The following HTR2A variants were observed in gnomAD, a reference collection of about 807,000 sequenced individuals.
HTR2A encodes the protein 5-HT2 receptor.
In HTR2A, 14 loss-of-function variants were observed where a neutral mutation model predicts 31.0. That is an observed-to-expected ratio of 0.45 (90% CI 0.30 to 0.71). The LOEUF (loss-of-function observed/expected upper bound fraction) is 0.71. HTR2A is among the 30% of genes least tolerant of loss of function. HTR2A has a pLI of 0.09. For missense variants in HTR2A, 442 were observed against 573.3 expected (o/e 0.77, Z 2.34); for synonymous variants, 209 against 225.2 (o/e 0.93, Z 0.64).
In HTR2A at chr13:46,896,919, G is replaced by T; in HGVS notation, c.-574C>A. The T allele has an allele frequency of 9.0e-7, 1 of 1,111,054 alleles. No homozygotes were observed. The highest frequency in any genetic ancestry group is 1.3e-6 in the Non-Finnish European group (1 of 778,354). The allele number at this position is 1,111,054 out of a possible 1,614,324, so 68.8% of individuals were successfully genotyped here. A position where few individuals can be genotyped will look rare whatever the true frequency, so the allele number is the denominator to read the frequency against. ...GGCTGGGTTCCTCCCTCCCTGTGCGGCTCGCCTCAGCAGGCACACATTTAG... is the reference window on the plus strand; with the variant it reads ...GGCTGGGTTCCTCCCTCCCTGTGCGTCTCGCCTCAGCAGGCACACATTTAG... On this transcript the variant is annotated 5_prime_UTR_variant, in exon 1 of 4. Coordinates refer to ENST00000542664, the MANE Select transcript of HTR2A (RefSeq NM_000621.5).
intron 3 of HTR2A, among the ~76,000 whole-genome samples, chr13:46,853,681 GT>G (rs1413877525): frequency 6.6e-6 from 1 of 152,098 alleles, no homozygotes; most frequent in Non-Finnish European, 1.5e-5. Flanking sequence ...CCCTGCCATG[GT>G]CACTGGGTGG....
rs773797673 is a variant in HTR2A, at chr13:46,835,333, G to C, written c.920C>G (p.Thr307Arg). The change falls in exon 4 of 4, where the codon ACA (threonine) becomes AGA (arginine). Residue 307 changes from threonine to arginine, a missense_variant. This residue lies in a region of HTR2A where 174 missense variants were observed against 195.1 expected (regional missense o/e 0.89). Coordinates refer to ENST00000542664, the MANE Select transcript of HTR2A (RefSeq NM_000621.5). ...GATGGACTGCATAGTCCTCCTGCCTGTGTAGGACCCTGGCTCCCTATGGAT... is the reference window on the plus strand; with the variant it reads ...GATGGACTGCATAGTCCTCCTGCCTCTGTAGGACCCTGGCTCCCTATGGAT... ...RSIHREPGSY[T>R]GRRTMQSISN... 1.2e-6 allele frequency: 2 copies of C among 1,614,000 alleles called. No individual in the cohort carries two copies. Among genetic ancestry groups the C allele is most frequent in the African/African-American group, 1.3e-5 (1 of 74,926 alleles).
intron 3 of HTR2A, among the ~76,000 whole-genome samples, chr13:46,844,092 C>T (rs757104491): frequency 3.9e-5 from 6 of 152,166 alleles, no homozygotes; most frequent in Non-Finnish European, 7.3e-5. Flanking sequence ...TGCTAGTTCA[C>T]ACTTTCAATA....
At chr13:46,874,965 C>G (rs1950896499) in intron 3 of HTR2A, among the ~76,000 whole-genome samples, 1 of 152,176 alleles carries the variant, frequency 6.6e-6, no homozygotes, top group Non-Finnish European at 1.5e-5. Context: ...GATTGAACAT[C>G]TTCTCTCAAA....
intron 3 of HTR2A, among the ~76,000 whole-genome samples, chr13:46,853,647 T>G (rs765781651): frequency 1.7e-4 from 26 of 152,176 alleles, no homozygotes; most frequent in Non-Finnish European, 2.9e-4. Flanking sequence ...GAGAAGATAC[T>G]GGGCTGACAT....
At chr13:46,892,675 T>G in intron 2 of HTR2A, 85 bp from the exon 3 acceptor site, 5 of 1,163,154 alleles carry the variant, frequency 4.3e-6, no homozygotes, top group Non-Finnish European at 6.4e-6. Context: ...TTTCCAGCTC[T>G]GGGACAGGCA....
chr13:46,882,293 T>C (rs915793485), intron 3 of HTR2A, among the ~76,000 whole-genome samples: 23 of 151,698 alleles, frequency 1.5e-4, no homozygotes, highest in African/African-American at 5.6e-4. Flanking sequence ...AAGTATGTTG[T>C]GGTGAACGAC....
In HTR2A at chr13:46,832,095, A is replaced by G. The variant is rs967089762; in HGVS notation, c.*2742T>C. The G allele has an allele frequency of 1.3e-5, 2 of 152,230 alleles. No homozygotes were observed. The highest frequency in any genetic ancestry group is 2.9e-5 in the Non-Finnish European group (2 of 68,044). 9.4% of individuals were successfully genotyped at this position (152,230 alleles called of 1,614,324 possible). A position where few individuals can be genotyped will look rare whatever the true frequency, so the allele number is the denominator to read the frequency against. On this transcript the variant is annotated 3_prime_UTR_variant, in exon 4 of 4. Coordinates refer to ENST00000542664, the MANE Select transcript of HTR2A (RefSeq NM_000621.5). ...TAGGATCAAGAAACTATATATGTGG[A>G]CCATTGTTTTCGCCATCCTCATAGA...
At chr13:46,835,743 G>C in intron 3 of HTR2A, 104 bp from the exon 4 acceptor site, 1 of 816,992 alleles carries the variant, frequency 1.2e-6, no homozygotes, top group Non-Finnish European at 1.9e-6. Context: ...TTATATCATC[G>C]TTTAAAAGCT....
At position 46,895,352 on chromosome 13, in the gene HTR2A, A is replaced by G. The variant is rs1951092733; in HGVS notation, c.412+143T>C. ...AAATCCCATTTTAAGAGTAAAATAT[A>G]AGTAACATAGTAGGCTCTAGTCTAT... On this transcript the variant is annotated intron_variant, in intron 2 of 3. Coordinates refer to ENST00000542664, the MANE Select transcript of HTR2A (RefSeq NM_000621.5). This position sits in a 1 kb window ranked among gnomAD's most constrained non-coding sequence, Gnocchi z 4.4. The G allele has an allele frequency of 2.8e-6, 2 of 702,846 alleles. No individual in the cohort carries two copies. Among genetic ancestry groups the G allele is most frequent in the African/African-American group, 3.6e-5 (2 of 55,730 alleles). The allele number at this position is 702,846 out of a possible 1,614,324, so 43.5% of individuals were successfully genotyped here.
Position 46,835,327 on chromosome 13 carries a change from C to T in HTR2A, c.926G>A (p.Arg309Lys). The T allele has an allele frequency of 6.2e-7, 1 of 1,614,110 alleles. No homozygotes were observed. Among genetic ancestry groups the T allele is most frequent in the Non-Finnish European group, 8.5e-7 (1 of 1,179,992 alleles). ...IHREPGSYTG[R>K]RTMQSISNEQ... ...ATTGCTGATGGACTGCATAGTCCTC[C>T]TGCCTGTGTAGGACCCTGGCTCCCT... is the stretch of plus-strand genomic sequence containing the variant. Residue 309 changes from arginine to lysine, a missense_variant, in exon 4 of 4, where the codon AGG (arginine) becomes AAG (lysine). By Grantham distance (26) the Arg-to-Lys change is conservative (BLOSUM62 2). Transcript: ENST00000542664.
chr13:46,853,549 T>C (rs376876600), intron 3 of HTR2A, among the ~76,000 whole-genome samples: 19 of 152,314 alleles, frequency 1.2e-4, no homozygotes, highest in African/African-American at 4.6e-4. Context: ...TGTATCAGGC[T>C]GTTTTAAACC....
At chr13:46,845,643 C>CAAAA (rs11394720) in intron 3 of HTR2A, among the ~76,000 whole-genome samples, 1 of 112,978 alleles carries the variant, frequency 8.9e-6, no homozygotes, top group African/African-American at 3.2e-5. Flanking sequence ...TTCATCACTC[C>CAAAA]AAAAAAAAAA....
At chr13:46,841,108 G>T (rs1165870240) in intron 3 of HTR2A, among the ~76,000 whole-genome samples, 1 of 152,130 alleles carries the variant, frequency 6.6e-6, no homozygotes, top group Non-Finnish European at 1.5e-5. Context: ...AGATGCACCT[G>T]CTTCCCTTTC....
Position 46,835,393 on chromosome 13 carries a change from C to G in HTR2A, c.860G>C (p.Ser287Thr). The change falls in exon 4 of 4, where the codon AGT becomes ACT. Residue 287 changes from serine to threonine, a missense_variant. Transcript: ENST00000542664. The part of the protein sequence containing the change: ...KLASFSFLPQ[S>T]SLSSEKLFQR... ...GAAGAGCTTTTCTGAAGACAAAGAA[C>G]TCTGAGGGAGGAAGCTGAAAGAAGC... The G allele has an allele frequency of 6.2e-7, 1 of 1,614,098 alleles. No homozygotes were observed. Among genetic ancestry groups the G allele is most frequent in the Non-Finnish European group, 8.5e-7 (1 of 1,179,992 alleles).
At chr13:46,878,164 A>G (rs965744992) in intron 3 of HTR2A, among the ~76,000 whole-genome samples, 1 of 152,152 alleles carries the variant, frequency 6.6e-6, no homozygotes, top group Non-Finnish European at 1.5e-5. Context: ...GAGAGCAACA[A>G]CCCTGTGGAC....
chr13:46,845,282 G>A (rs1449697946), intron 3 of HTR2A, among the ~76,000 whole-genome samples: 1 of 152,170 alleles, frequency 6.6e-6, no homozygotes, highest in African/African-American at 2.4e-5. Flanking sequence ...GAAAGGCACA[G>A]GAGCTGAGCT....
chr13:46,867,986 T>G (rs1430397080), intron 3 of HTR2A, among the ~76,000 whole-genome samples: 2 of 152,154 alleles, frequency 1.3e-5, no homozygotes, highest in African/African-American at 4.8e-5. Context: ...AAGTGGAAAA[T>G]AGAATGGTTC....
At position 46,895,791 on chromosome 13, in the gene HTR2A, G is replaced by A. The variant is rs1951097639; in HGVS notation, c.116C>T (p.Thr39Ile). 1 of 1,614,152 alleles carries A rather than the reference G, an allele frequency of 6.2e-7. No homozygotes were observed. Among genetic ancestry groups the A allele is most frequent in the African/African-American group, 1.3e-5 (1 of 75,054 alleles). The change falls in exon 2 of 4, where the codon ACT becomes ATT. Residue 39 changes from threonine (T) to isoleucine (I), a missense_variant. Coordinates refer to ENST00000542664, the MANE Select transcript of HTR2A (RefSeq NM_000621.5). This position sits in a 1 kb window ranked among gnomAD's most constrained non-coding sequence, Gnocchi z 4.4. ...GACTGTCCAGTTAAATGCATCAGAA[G>A]TGTTAGCTTCTCCGGAGTTAAAGTC... ...SNDFNSGEANTSDAFNWTVDS... is the reference protein window; with the variant it reads ...SNDFNSGEANISDAFNWTVDS...
Sources: allele counts gnomAD v4.1 joint callset (sites outside exome capture counted in the v4.1 genomes callset), GRCh38; gene constraint gnomAD v4.1.1; regional missense constraint gnomAD v4.1.1; non-coding constraint Gnocchi (gnomAD v3.1); transcripts MANE v1.5; gene names NCBI Gene and HGNC (gene_info 2026-07-23, HGNC 2026-07-21).